IFT140: variants seen among roughly 807,000 people sequenced by gnomAD.
IFT140 encodes intraflagellar transport protein 140 homolog.
In IFT140, 133 loss-of-function variants were observed where a neutral mutation model predicts 164.6. That is an observed-to-expected ratio of 0.81 (90% CI 0.70 to 0.93). The LOEUF (loss-of-function observed/expected upper bound fraction) is 0.93. Among genes scored for constraint, IFT140 ranks in the 40% least tolerant of loss-of-function variants. IFT140 has a pLI of 0.00. For missense variants in IFT140, 2,045 were observed against 1,972.3 expected, an observed-to-expected ratio of 1.04 and a Z score of -0.70; for synonymous variants, 860 against 817.3, an observed-to-expected ratio of 1.05 and a Z score of -0.89.
At chr16:1,557,773 G>A (rs1034797299) in intron 19 of IFT140, 162 bp downstream of exon 19, 1 of 723,698 alleles carries the variant, frequency 1.4e-6, no homozygotes, top group African/African-American at 1.8e-5. Flanking sequence ...GCATCTGCAA[G>A]CTGGGCAGCA....
In IFT140 at chr16:1,520,008, C is replaced by A; in HGVS notation, c.3913G>T (p.Gly1305Trp). ...DEYQNYDKAHGALTEAYKCLA... is the reference protein window; with the variant it reads ...DEYQNYDKAHWALTEAYKCLA... Reference sequence around the variant, plus strand: ...CACTTGTAGGCCTCGGTCAGCGCCCCGTGGGCTTTGTCGTAGTTCTGGTAT... The same window carrying A: ...CACTTGTAGGCCTCGGTCAGCGCCCAGTGGGCTTTGTCGTAGTTCTGGTAT... Residue 1305 changes from glycine (G) to tryptophan (W), a missense_variant, in exon 29 of 31, where the codon GGG becomes TGG. Transcript: ENST00000426508. The A allele has an allele frequency of 6.2e-7, 1 of 1,602,932 alleles. No individual in the cohort carries two copies. Among genetic ancestry groups the A allele is most frequent in the South Asian group, 1.1e-5 (1 of 89,552 alleles).
chr16:1,598,655 A>C (rs2035588733), intron 4 of IFT140, among the ~76,000 whole-genome samples: 1 of 152,212 alleles, frequency 6.6e-6, no homozygotes. Flanking sequence ...GGTGTGCACT[A>C]TGAGCCGGCC....
At chr16:1,582,757 G>A (rs960723283) in intron 12 of IFT140, among the ~76,000 whole-genome samples, 1 of 152,254 alleles carries the variant, frequency 6.6e-6, no homozygotes, top group Non-Finnish European at 1.5e-5. Context: ...ATAAAAATTA[G>A]CCGGGTGTGG....
chr16:1,569,502 CTTCT>C (rs1335483093), intron 14 of IFT140, among the ~76,000 whole-genome samples: 1 of 147,668 alleles, frequency 6.8e-6, no homozygotes, highest in African/African-American at 2.5e-5. Flanking sequence ...CCCTCCCTCC[CTTCT>C]TTCCCTTTTT....
At chr16:1,560,250 T>C (rs979716867) in intron 18 of IFT140, among the ~76,000 whole-genome samples, 5 of 152,220 alleles carry the variant, frequency 3.3e-5, no homozygotes, top group African/African-American at 1.2e-4. Context: ...CCAGTCTTCA[T>C]GAAGCCAGAC....
chr16:1,560,803 G>T (rs2033364302), intron 18 of IFT140, among the ~76,000 whole-genome samples: 1 of 152,242 alleles, frequency 6.6e-6, no homozygotes, highest in South Asian at 2.1e-4. Flanking sequence ...GCCACTGCAT[G>T]TGGAAATTCA....
In IFT140 at chr16:1,570,534, G is replaced by A. The variant is rs143833354; in HGVS notation, c.1652+873C>T. ...AGTGCACACGCATCACAGGATCAGCGTTGCTCATCCCAACCCCTGTGGGGA... is the reference window on the plus strand; with the variant it reads ...AGTGCACACGCATCACAGGATCAGCATTGCTCATCCCAACCCCTGTGGGGA... On this transcript the variant is annotated intron_variant, in intron 14 of 30. Transcript: ENST00000426508. 2.1e-3 allele frequency among the ~76,000 whole-genome samples: 323 copies of A among 152,228 alleles called. 2 individuals carry two copies. The highest frequency in any genetic ancestry group is 3.8e-3 in the Non-Finnish European group (259 of 68,012).
rs760987640 is a variant in IFT140 at position 1,510,791 on chromosome 16, G to T, written c.*153C>A. 46 of 728,652 alleles carry T rather than the reference G, an allele frequency of 6.3e-5. No individual in the cohort carries two copies. The Middle Eastern group carries it at 1.9e-3, about 29-fold the overall frequency. The allele number at this position is 728,652 out of a possible 1,614,324, so 45.1% of individuals were successfully genotyped here. On this transcript the variant is annotated 3_prime_UTR_variant, in exon 31 of 31. Transcript: ENST00000426508. ...GTGCAGACGGGTCACACCCTCCGCC[G>T]GCCCGGGCCGCTGCGTTCTCGCCCA...
chr16:1,541,298 G>A, intron 19 of IFT140: 1 of 985,174 alleles, frequency 1.0e-6, no homozygotes, highest in Non-Finnish European at 1.2e-6. Context: ...CAGGTGGGGG[G>A]CACTGGTTCA....
Position 1,583,524 on chromosome 16 carries a change from T to G in IFT140, c.1360-138A>C, listed in dbSNP as rs181841102. 5.5e-5 allele frequency: 36 copies of G among 649,874 alleles called. No individual in the cohort carries two copies. In the African/African-American group the frequency reaches 6.2e-4, roughly 11 times the overall value. 40.3% of individuals were successfully genotyped at this position (649,874 alleles called of 1,614,324 possible). On this transcript the variant is annotated intron_variant, in intron 11 of 30. Transcript: ENST00000426508. The stretch of plus-strand genomic sequence containing the variant: ...CATCATCCTACGACTATGAGATCAC[T>G]GGGTCCTCTGTGGACAGGCTGAGGC...
At chr16:1,605,546 C>T (rs1287380741) in intron 3 of IFT140, among the ~76,000 whole-genome samples, 2 of 152,130 alleles carry the variant, frequency 1.3e-5, no homozygotes, top group African/African-American at 4.8e-5. Flanking sequence ...GCTGGGACTA[C>T]AGGTGCCCGC....
At chr16:1,534,248 C>T (rs118073880) in intron 19 of IFT140, 26,174 of 1,606,412 alleles carry the variant, frequency 0.016, 272 homozygotes, top group Non-Finnish European at 0.02. Context: ...TGGCTTTCTC[C>T]GGATAAGCGG....
chr16:1,552,299 G>A (rs957594676), intron 19 of IFT140, among the ~76,000 whole-genome samples: 1 of 152,062 alleles, frequency 6.6e-6, no homozygotes, highest in African/African-American at 2.4e-5. Flanking sequence ...GCTGGGCTGG[G>A]ACTCTCCCCA....
At chr16:1,555,338 C>T (rs900293671) in intron 19 of IFT140, 86 of 344,430 alleles carry the variant, frequency 2.5e-4, no homozygotes, top group East Asian at 6.3e-5. Flanking sequence ...GGCTGCCCTG[C>T]GCTCCGCTTT....
chr16:1,567,879 A>T (rs1256907340), intron 15 of IFT140, among the ~76,000 whole-genome samples: 1 of 152,178 alleles, frequency 6.6e-6, no homozygotes, highest in Non-Finnish European at 1.5e-5. Flanking sequence ...TGCCAAAGAA[A>T]ACTGAGTGGG....
chr16:1,550,499 G>T (rs1000054839), intron 19 of IFT140, among the ~76,000 whole-genome samples: 6 of 152,280 alleles, frequency 3.9e-5, no homozygotes, highest in Non-Finnish European at 7.3e-5. Context: ...TCAGGAAGCA[G>T]CGTGTGATGC....
chr16:1,558,622 A>C (rs1333928431), intron 18 of IFT140, among the ~76,000 whole-genome samples: 1 of 152,160 alleles, frequency 6.6e-6, no homozygotes, highest in African/African-American at 2.4e-5. Flanking sequence ...CAGTTCCTGG[A>C]AATCGGTGCT....
At chr16:1,536,825 G>A (rs1014466963) in intron 19 of IFT140, among the ~76,000 whole-genome samples, 2 of 152,184 alleles carry the variant, frequency 1.3e-5, no homozygotes, top group Non-Finnish European at 2.9e-5. Context: ...CCCACGGGGT[G>A]GCCCCTCTGT....
chr16:1,583,792 T>C (rs2034710805), intron 11 of IFT140, among the ~76,000 whole-genome samples: 1 of 152,188 alleles, frequency 6.6e-6, no homozygotes, highest in South Asian at 2.1e-4. Flanking sequence ...TCGTCCAGGC[T>C]GGAGTGCAGT....
Sources: gnomAD v4.1 joint callset for allele counts (sites outside exome capture counted in the v4.1 genomes callset) on GRCh38, gnomAD v4.1.1 for gene constraint, MANE v1.5 for transcripts, NCBI Gene and HGNC (gene_info 2026-07-23, HGNC 2026-07-21) for gene names.